The following NRG3 variants were observed in gnomAD, a reference collection of about 807,000 sequenced individuals.
The protein encoded by NRG3 is neuregulin 3, also known as pro-neuregulin-3, membrane-bound isoform.
Under a neutral mutation model 66.9 loss-of-function variants are expected in NRG3, and 31 were observed. The ratio of observed to expected loss-of-function variants is 0.46; its 90% confidence interval spans 0.35 to 0.63. NRG3 has a LOEUF of 0.63. Among genes scored for constraint, NRG3 ranks in the 20% least tolerant of loss-of-function variants. The pLI is 0.00. For missense variants in NRG3, 910 were observed against 878.9 expected, an observed-to-expected ratio of 1.04 and a Z score of -0.45; for synonymous variants, 393 against 359.4, an observed-to-expected ratio of 1.09 and a Z score of -1.06.
chr10:81,879,148 C>G (rs1039168695), intron 1 of NRG3, among the ~76,000 whole-genome samples: 1 of 152,308 alleles, frequency 6.6e-6, no homozygotes, highest in South Asian at 2.1e-4. Flanking sequence ...AAACTTTCTT[C>G]AGCGTTCCTG....
chr10:82,169,708 A>G (rs1395176120), intron 1 of NRG3, among the ~76,000 whole-genome samples: 2 of 151,228 alleles, frequency 1.3e-5, no homozygotes, highest in Non-Finnish European at 3.0e-5. Context: ...TCTCTCTGTA[A>G]TATTTTTCCT....
chr10:82,522,153 C>T (rs868522723), intron 2 of NRG3, among the ~76,000 whole-genome samples: 1 of 150,896 alleles, frequency 6.6e-6, no homozygotes, highest in African/African-American at 2.4e-5. Context: ...AAGTGATTCT[C>T]CTGCCTCAGC....
Position 82,356,435 on chromosome 10 carries a change from G to A in NRG3, c.824-2304G>A, listed in dbSNP as rs140352324. Among the ~76,000 whole-genome samples the A allele has an allele frequency of 3.3e-3, 503 of 152,220 alleles. 2 individuals carry two copies. Among genetic ancestry groups the A allele is most frequent in the African/African-American group, 0.011 (460 of 41,542 alleles). ...CCAGAGTAGCAGTCAACTGTGCACCGTTTCATATTGAATTTTTTGCTCAGA... is the reference window on the plus strand; with the variant it reads ...CCAGAGTAGCAGTCAACTGTGCACCATTTCATATTGAATTTTTTGCTCAGA... On this transcript the variant is annotated intron_variant, in intron 1 of 8. Coordinates refer to ENST00000372141, the MANE Select transcript of NRG3 (RefSeq NM_001010848.4).
intron 4 of NRG3, among the ~76,000 whole-genome samples, chr10:82,913,744 G>C (rs2131994094): frequency 6.6e-6 from 1 of 152,204 alleles, no homozygotes; most frequent in Middle Eastern, 3.4e-3. Context: ...TCAGGATTTT[G>C]TTTTGATTTT....
chr10:82,863,919 C>T (rs1404677038), intron 3 of NRG3, among the ~76,000 whole-genome samples: 1 of 152,168 alleles, frequency 6.6e-6, no homozygotes, highest in Non-Finnish European at 1.5e-5. Context: ...TGATATCTAT[C>T]ACCATGTGTA....
chr10:82,247,955 G>A (rs1283690502), intron 1 of NRG3, among the ~76,000 whole-genome samples: 1 of 152,116 alleles, frequency 6.6e-6, no homozygotes, highest in Non-Finnish European at 1.5e-5. Context: ...AGTAATAGTA[G>A]TAATAGCAAA....
intron 6 of NRG3, among the ~76,000 whole-genome samples, chr10:82,967,137 T>A (rs898132958): frequency 1.4e-5 from 2 of 147,912 alleles, no homozygotes; most frequent in Admixed American, 6.8e-5. Flanking sequence ...ATCAAAGATT[T>A]TATATATATA....
chr10:82,747,027 G>A (rs1224781585), intron 3 of NRG3, among the ~76,000 whole-genome samples: 2 of 152,106 alleles, frequency 1.3e-5, no homozygotes, highest in Non-Finnish European at 2.9e-5. Flanking sequence ...AGGCTGCTGT[G>A]AGTTGTGATT....
chr10:82,164,420 G>A (rs763741939), intron 1 of NRG3, among the ~76,000 whole-genome samples: 12 of 152,098 alleles, frequency 7.9e-5, no homozygotes, highest in Admixed American at 4.6e-4. Flanking sequence ...GCTAACTCTA[G>A]TCACCTTATT....
chr10:82,578,025 T>C (rs1350593651), intron 2 of NRG3, among the ~76,000 whole-genome samples: 2 of 151,488 alleles, frequency 1.3e-5, no homozygotes, highest in Non-Finnish European at 3.0e-5. Context: ...AGAACCAATG[T>C]TACCAGCAAA....
rs190521079 is a variant in NRG3, at chr10:81,917,039, C to G, written c.823+40876C>G. On this transcript the variant is annotated intron_variant, in intron 1 of 8. Transcript: ENST00000372141. The stretch of plus-strand genomic sequence containing the variant: ...CCAACCCCAAAACATATAATTTTAG[C>G]TTATAATTCTCTTCAAATTAGACAA... 1.2e-3 allele frequency among the ~76,000 whole-genome samples: 176 copies of G among 152,254 alleles called. 1 individual carries two copies. Among genetic ancestry groups the G allele is most frequent in the Middle Eastern group, 0.01 (3 of 294 alleles).
At chr10:82,553,454 T>C (rs368334418) in intron 2 of NRG3, among the ~76,000 whole-genome samples, 5 of 152,134 alleles carry the variant, frequency 3.3e-5, no homozygotes, top group South Asian at 4.1e-4. Context: ...TCCATGATCA[T>C]TGTGTACCCC....
At chr10:82,484,987 A>G (rs1056185612) in intron 2 of NRG3, among the ~76,000 whole-genome samples, 1 of 152,194 alleles carries the variant, frequency 6.6e-6, no homozygotes, top group African/African-American at 2.4e-5. Flanking sequence ...GATTGGGAAT[A>G]ATGTCAGTTT....
intron 2 of NRG3, among the ~76,000 whole-genome samples, chr10:82,549,413 C>T (rs1016674554): frequency 1.1e-4 from 17 of 152,242 alleles, no homozygotes; most frequent in African/African-American, 4.1e-4. Context: ...GAAATGGTTT[C>T]AAGTAATCCT....
chr10:82,764,409 G>A (rs1000777343), intron 3 of NRG3, among the ~76,000 whole-genome samples: 12 of 137,752 alleles, frequency 8.7e-5, no homozygotes, highest in Non-Finnish European at 1.7e-4. Context: ...ACTTAGTCTC[G>A]CTCTGTCGCC....
intron 1 of NRG3, among the ~76,000 whole-genome samples, chr10:82,319,790 T>C (rs2081472874): frequency 6.6e-6 from 1 of 152,176 alleles, no homozygotes; most frequent in Non-Finnish European, 1.5e-5. Context: ...GATGGAGTCC[T>C]GTGTGGCTGA....
intron 1 of NRG3, among the ~76,000 whole-genome samples, chr10:82,358,447 G>A (rs2083914370): frequency 6.6e-6 from 1 of 152,164 alleles, no homozygotes; most frequent in East Asian, 1.9e-4. Context: ...GGGTGGATTT[G>A]GGGTGTTTGA....
intron 4 of NRG3, among the ~76,000 whole-genome samples, chr10:82,888,474 C>G (rs971460162): frequency 9.9e-5 from 15 of 152,132 alleles, no homozygotes; most frequent in African/African-American, 3.1e-4. Context: ...CCCAGACCTT[C>G]TCATCACAAA....
At chr10:82,013,791 A>G (rs753007805) in intron 1 of NRG3, among the ~76,000 whole-genome samples, 10 of 152,160 alleles carry the variant, frequency 6.6e-5, no homozygotes, top group Admixed American at 1.3e-4. Context: ...ATGTTTATTT[A>G]TATAAATTTG....
Sources: gnomAD v4.1 joint callset for allele counts (sites outside exome capture counted in the v4.1 genomes callset) on GRCh38, gnomAD v4.1.1 for gene constraint, MANE v1.5 for transcripts, NCBI Gene and HGNC (gene_info 2026-07-23, HGNC 2026-07-21) for gene names.